The following CALN1 variants were observed in gnomAD, a reference collection of about 807,000 sequenced individuals.
CALN1 encodes the protein calcium-binding protein 8.
In CALN1, 17 loss-of-function variants were observed where a neutral mutation model predicts 30.6. That is an observed-to-expected ratio of 0.56 (90% CI 0.38 to 0.83). The LOEUF is 0.83. Ranked by LOEUF, CALN1 falls within the 40% of genes least tolerant of loss-of-function variation. The probability of loss-of-function intolerance (pLI) is 0.00; values close to 1 mark genes in which losing one functional copy is unlikely to be tolerated. For synonymous variants in CALN1, 156 were observed against 131.4 expected, an observed-to-expected ratio of 1.19 and a Z score of -1.28; for missense variants, 291 against 354.9, an observed-to-expected ratio of 0.82 and a Z score of 1.45.
rs750028386 is a variant in CALN1, at chr7:72,278,690, G to C, written c.240C>G (p.Leu80=). ...CAAACAGGGTAGGCTCCTTACCATC[G>C]AGCTCCTCCACGGAGATATTAGCCA... ...EQLANISVEE[L]DEIREAFRVL... Residue 80 remains leucine, a synonymous_variant, in exon 3 of 7, where the codon CTC becomes CTG. Transcript: ENST00000395275. 5 of 1,612,442 alleles carry C rather than the reference G, an allele frequency of 3.1e-6. No individual in the cohort carries two copies. In the South Asian group the frequency reaches 3.3e-5, roughly 11 times the overall value.
chr7:72,280,328 G>T (rs373572565), intron 2 of CALN1, among the ~76,000 whole-genome samples: 2 of 152,152 alleles, frequency 1.3e-5, no homozygotes, highest in African/African-American at 4.8e-5. Flanking sequence ...CCATCCCCTC[G>T]CCCTTAACTC....
chr7:72,137,377 T>C (rs774837429), intron 3 of CALN1, among the ~76,000 whole-genome samples: 2 of 152,192 alleles, frequency 1.3e-5, no homozygotes, highest in African/African-American at 4.8e-5. Flanking sequence ...ACACAGATCA[T>C]CCTAACAGAT....
intron 5 of CALN1, among the ~76,000 whole-genome samples, chr7:71,957,706 A>C (rs1392376695): frequency 6.6e-6 from 1 of 152,106 alleles, no homozygotes; most frequent in Non-Finnish European, 1.5e-5. Context: ...AGAAACTAGG[A>C]ATGTTCTCAT....
At chr7:72,289,050 T>G (rs1798294531) in intron 2 of CALN1, among the ~76,000 whole-genome samples, 1 of 152,212 alleles carries the variant, frequency 6.6e-6, no homozygotes, top group African/African-American at 2.4e-5. Flanking sequence ...TATTTCAACT[T>G]CATTTGAATT....
At chr7:72,406,514 G>A (rs746499547) in intron 1 of CALN1, among the ~76,000 whole-genome samples, 4 of 151,926 alleles carry the variant, frequency 2.6e-5, no homozygotes, top group Non-Finnish European at 4.4e-5. Context: ...CTTTACAATC[G>A]TCATCTGAAA....
intron 2 of CALN1, among the ~76,000 whole-genome samples, chr7:72,381,494 A>C (rs1429386704): frequency 6.6e-6 from 1 of 152,222 alleles, no homozygotes; most frequent in East Asian, 1.9e-4. Flanking sequence ...TACCACGAAT[A>C]CTATGCAGCC....
chr7:72,100,155 A>T (rs1441241559), intron 4 of CALN1, among the ~76,000 whole-genome samples: 2 of 85,652 alleles, frequency 2.3e-5, no homozygotes, highest in African/African-American at 1.0e-4. Context: ...AATTTTTTTG[A>T]GTTTTTTTGT....
chr7:72,300,957 ACACT>A (rs948571261), intron 2 of CALN1, among the ~76,000 whole-genome samples: 5 of 152,230 alleles, frequency 3.3e-5, no homozygotes, highest in African/African-American at 9.6e-5. Context: ...TCATGCCACC[ACACT>A]CCAGCCTGGG....
chr7:72,054,357 G>A (rs1445609882), intron 4 of CALN1, among the ~76,000 whole-genome samples: 1 of 150,308 alleles, frequency 6.7e-6, no homozygotes, highest in Non-Finnish European at 1.5e-5. Flanking sequence ...CTAATGGTCA[G>A]TGATACTGAG....
intron 3 of CALN1, among the ~76,000 whole-genome samples, chr7:72,233,687 A>G (rs1486006424): frequency 6.6e-6 from 1 of 152,106 alleles, no homozygotes; most frequent in Non-Finnish European, 1.5e-5. Context: ...CCACTGGGCA[A>G]CAGAGCAAGG....
At chr7:72,344,631 AAT>A (rs1214036651) in intron 2 of CALN1, among the ~76,000 whole-genome samples, 3 of 131,674 alleles carry the variant, frequency 2.3e-5, no homozygotes, top group African/African-American at 5.1e-5. Context: ...TATAAATTTA[AAT>A]ATATATTTAT....
chr7:72,284,893 A>T (rs891556398), intron 2 of CALN1, among the ~76,000 whole-genome samples: 5 of 152,024 alleles, frequency 3.3e-5, no homozygotes, highest in African/African-American at 1.2e-4. Context: ...ATAGATAGAT[A>T]GATTCTGTTT....
At chr7:72,120,875 A>T (rs1808326234) in intron 3 of CALN1, among the ~76,000 whole-genome samples, 1 of 151,968 alleles carries the variant, frequency 6.6e-6, no homozygotes, top group African/African-American at 2.4e-5. Context: ...GCCTGGCCCA[A>T]AGGAGGTCCC....
At chr7:71,815,079 C>T (rs779875919) in intron 5 of CALN1, among the ~76,000 whole-genome samples, 5 of 151,970 alleles carry the variant, frequency 3.3e-5, no homozygotes, top group Admixed American at 2.0e-4. Flanking sequence ...GTGATCTGCC[C>T]GGCTCGGCCT....
At chr7:72,142,189 G>A (rs561674197) in intron 3 of CALN1, among the ~76,000 whole-genome samples, 11 of 152,334 alleles carry the variant, frequency 7.2e-5, no homozygotes, top group Admixed American at 7.2e-4. Flanking sequence ...CCTGACCTGG[G>A]AAGCACAAGG....
intron 3 of CALN1, among the ~76,000 whole-genome samples, chr7:72,188,340 A>G (rs557858337): frequency 6.6e-6 from 1 of 152,284 alleles, no homozygotes; most frequent in African/African-American, 2.4e-5. Flanking sequence ...CTTTATATAC[A>G]CATATATATA....
chr7:72,403,119 G>A, intron 2 of CALN1, 132 bp downstream of exon 2: 4 of 625,420 alleles, frequency 6.4e-6, no homozygotes, highest in Admixed American at 2.9e-5. Flanking sequence ...GCTCTCCCAG[G>A]TGTCCATTTC....
intron 3 of CALN1, among the ~76,000 whole-genome samples, chr7:72,205,551 A>AATATATACATATAT (rs1554319584): frequency 3.6e-5 from 3 of 83,044 alleles, no homozygotes; most frequent in South Asian, 4.8e-4. Context: ...GCAAAAAAAA[A>AATATATACATATAT]ATATATATAT....
At chr7:72,298,812 A>T (rs1799043189) in intron 2 of CALN1, among the ~76,000 whole-genome samples, 1 of 151,540 alleles carries the variant, frequency 6.6e-6, no homozygotes, top group Non-Finnish European at 1.5e-5. Context: ...TTAAAAAAAA[A>T]AAAAAAGAGG....
Sources: gnomAD v4.1 joint callset for allele counts (sites outside exome capture counted in the v4.1 genomes callset) on GRCh38, gnomAD v4.1.1 for gene constraint, MANE v1.5 for transcripts, NCBI Gene and HGNC (gene_info 2026-07-23, HGNC 2026-07-21) for gene names.